STK32B: variants seen among roughly 807,000 people sequenced by gnomAD.
The protein encoded by STK32B is serine/threonine-protein kinase 32B.
In STK32B, 43 loss-of-function variants were observed where a neutral mutation model predicts 52.6. The ratio of observed to expected loss-of-function variants is 0.82; its 90% CI spans 0.64 to 1.05. The LOEUF is 1.05. STK32B is among the 50% of genes least tolerant of loss of function. The pLI is 0.00. For missense variants in STK32B, 621 were observed against 534.6 expected, an observed-to-expected ratio of 1.16 and a Z score of -1.59; for synonymous variants, 238 against 204.3, an observed-to-expected ratio of 1.17 and a Z score of -1.41.
At chr4:5,253,017 G>A (rs10000062) in intron 3 of STK32B, among the ~76,000 whole-genome samples, 1 of 151,904 alleles carries the variant, frequency 6.6e-6, no homozygotes, top group Admixed American at 6.6e-5. Context: ...AAGGGCTTGT[G>A]CTTGCTCTTT....
intron 6 of STK32B, among the ~76,000 whole-genome samples, chr4:5,441,349 C>G (rs1254185400): frequency 1.5e-4 from 22 of 150,980 alleles, no homozygotes; most frequent in South Asian, 4.2e-4. Context: ...TGTATGTGTC[C>G]AGGAATTTAT....
At chr4:5,181,004 T>C (rs2108752987) in intron 3 of STK32B, among the ~76,000 whole-genome samples, 1 of 151,982 alleles carries the variant, frequency 6.6e-6, no homozygotes, top group Middle Eastern at 3.4e-3. Context: ...AGTGAGGGTG[T>C]CCCATGAGTG....
chr4:5,471,049 G>T (rs1717815811), intron 11 of STK32B, among the ~76,000 whole-genome samples: 2 of 152,224 alleles, frequency 1.3e-5, no homozygotes, highest in African/African-American at 4.8e-5. Flanking sequence ...TGCAGAATAT[G>T]CAGGGGCATG....
In STK32B at chr4:5,316,202, T is replaced by TATAACTA. The variant is rs1168887228; in HGVS notation, c.261-15017_261-15016insTAACTAA. Among the ~76,000 whole-genome samples the TATAACTA allele has an allele frequency of 6.1e-3, 568 of 93,398 alleles. 4 individuals are homozygous for TATAACTA. Among genetic ancestry groups the TATAACTA allele is most frequent in the African/African-American group, 0.021 (405 of 19,056 alleles). The allele number at this position is 93,398 out of a possible 152,430, so 61.3% of individuals were successfully genotyped here. A position where few individuals can be genotyped will look rare whatever the true frequency, so the allele number is the denominator to read the frequency against. On this transcript the variant is annotated intron_variant, in intron 3 of 11. Coordinates refer to ENST00000282908, the MANE Select transcript of STK32B (RefSeq NM_018401.3). ...AACTAAATATATATATTTAGATATA[T>TATAACTA]AATATATATTACATAATATATTATA...
chr4:5,491,536 C>T (rs2108726263), intron 11 of STK32B, among the ~76,000 whole-genome samples: 1 of 151,942 alleles, frequency 6.6e-6, no homozygotes, highest in East Asian at 1.9e-4. Context: ...GTTGCCTGTT[C>T]ACTCTGATGG....
intron 1 of STK32B, among the ~76,000 whole-genome samples, chr4:5,060,524 G>T (rs988888047): frequency 6.6e-6 from 1 of 151,626 alleles, no homozygotes; most frequent in Non-Finnish European, 1.5e-5. Context: ...GTTTTCTTCT[G>T]TACACTTTTT....
intron 3 of STK32B, among the ~76,000 whole-genome samples, chr4:5,328,895 G>A (rs933972102): frequency 5.3e-5 from 8 of 152,146 alleles, no homozygotes; most frequent in African/African-American, 1.9e-4. Flanking sequence ...AGGTTATACT[G>A]GCCCTGAAAC....
At chr4:5,173,587 G>C (rs1467820499) in intron 3 of STK32B, among the ~76,000 whole-genome samples, 1 of 152,178 alleles carries the variant, frequency 6.6e-6, no homozygotes, top group Admixed American at 6.6e-5. Flanking sequence ...GGAGCAGGTT[G>C]TTAAGTTTCC....
At position 5,100,142 on chromosome 4, in the gene STK32B, C is replaced by T. The variant is rs543263351; in HGVS notation, c.53-39763C>T. ...GATAGAGCCAGCACAGTGAGCAATC[C>T]CTCTCGATGCTCCTGATGCTGCTGC... On this transcript the variant is annotated intron_variant, in intron 1 of 11. Coordinates refer to ENST00000282908, the MANE Select transcript of STK32B (RefSeq NM_018401.3). Among the ~76,000 whole-genome samples, 92 of 152,292 alleles carry T rather than the reference C, an allele frequency of 6.0e-4. 3 individuals are homozygous for T. The South Asian group carries it at 0.019, about 31-fold the overall frequency.
intron 3 of STK32B, among the ~76,000 whole-genome samples, chr4:5,220,893 C>T (rs947706041): frequency 6.6e-6 from 1 of 152,180 alleles, no homozygotes; most frequent in African/African-American, 2.4e-5. Context: ...AAGTTGACTG[C>T]TCAGGAATTT....
At chr4:5,109,769 A>T (rs1197444947) in intron 1 of STK32B, among the ~76,000 whole-genome samples, 1 of 152,256 alleles carries the variant, frequency 6.6e-6, no homozygotes, top group East Asian at 1.9e-4. Flanking sequence ...TAGCCAGAGC[A>T]ATCAGGCAGG....
At chr4:5,122,379 C>T (rs200982568) in intron 1 of STK32B, among the ~76,000 whole-genome samples, 1,428 of 112,220 alleles carry the variant, frequency 0.013, 26 homozygotes, top group African/African-American at 0.039. Context: ...TTCACTCATT[C>T]ATTCACTCAC....
chr4:5,355,488 G>A (rs1270232317), intron 4 of STK32B, among the ~76,000 whole-genome samples: 1 of 152,016 alleles, frequency 6.6e-6, no homozygotes, highest in African/African-American at 2.4e-5. Flanking sequence ...TATCCACCTG[G>A]TTAACTTTTT....
At position 5,390,162 on chromosome 4, in the gene STK32B, G is replaced by T. The variant is rs535170559; in HGVS notation, c.435-8045G>T. Among the ~76,000 whole-genome samples, 6 of 152,362 alleles carry T rather than the reference G, an allele frequency of 3.9e-5. No homozygotes were observed. In the South Asian group the frequency reaches 1.2e-3, roughly 32 times the overall value. ...CACTCCATTTGTAGTGGTTGTTACT[G>T]CAGTGGTGAGGGAGTCCCTGATATG... On this transcript the variant is annotated intron_variant, in intron 4 of 11. Coordinates refer to ENST00000282908, the MANE Select transcript of STK32B (RefSeq NM_018401.3).
At position 5,178,676 on chromosome 4, in the gene STK32B, T is replaced by A. The variant is rs558191364; in HGVS notation, c.260+10226T>A. ...ATACCCTGAATCATCTCTCTCAAGTTCAAAGTTCCACAGATCTCTAGGGCA... is the reference window on the plus strand; with the variant it reads ...ATACCCTGAATCATCTCTCTCAAGTACAAAGTTCCACAGATCTCTAGGGCA... On this transcript the variant is annotated intron_variant, in intron 3 of 11. Coordinates refer to ENST00000282908, the MANE Select transcript of STK32B (RefSeq NM_018401.3). Among the ~76,000 whole-genome samples, 20 of 152,342 alleles carry A rather than the reference T, an allele frequency of 1.3e-4. No individual in the cohort carries two copies. In the South Asian group the frequency reaches 2.3e-3, roughly 17 times the overall value.
In STK32B at chr4:5,399,371, G is replaced by A. The variant is rs1024197882; in HGVS notation, c.472+1127G>A. 1.3e-5 allele frequency among the ~76,000 whole-genome samples: 2 copies of A among 152,156 alleles called. No individual in the cohort carries two copies. The highest frequency in any genetic ancestry group is 2.9e-5 in the Non-Finnish European group (2 of 68,032). On this transcript the variant is annotated intron_variant, in intron 5 of 11. Transcript: ENST00000282908. This position sits in a 1 kb window ranked among gnomAD's most constrained non-coding sequence, Gnocchi z 5.4. ...AGAGCTCCTCTCGAACCTTCCATGA[G>A]CCAGCAGCATAGCTTGGGGCATCCT...
At chr4:5,188,367 G>A (rs1413046583) in intron 3 of STK32B, among the ~76,000 whole-genome samples, 1 of 152,278 alleles carries the variant, frequency 6.6e-6, no homozygotes, top group East Asian at 1.9e-4. Flanking sequence ...ATTGGAAACT[G>A]TGGTGCCCTT....
At chr4:5,092,534 C>CAA (rs527339612) in intron 1 of STK32B, among the ~76,000 whole-genome samples, 3,440 of 86,814 alleles carry the variant, frequency 0.04, 126 homozygotes, top group African/African-American at 0.12. Flanking sequence ...GACTCCGTCT[C>CAA]AAAAAAAAAA....
the STK32B span, among the ~76,000 whole-genome samples, chr4:5,021,961 G>A: frequency 6.6e-6 from 1 of 152,164 alleles, no homozygotes; most frequent in Non-Finnish European, 1.5e-5. Context: ...ACCAAGCCAG[G>A]AGTGGGATGA....
Sources: allele counts gnomAD v4.1 joint callset (sites outside exome capture counted in the v4.1 genomes callset), GRCh38; gene constraint gnomAD v4.1.1; non-coding constraint Gnocchi (gnomAD v3.1); transcripts MANE v1.5; gene names NCBI Gene and HGNC (gene_info 2026-07-23, HGNC 2026-07-21).